Variants in ANTXR1 observed in about 807,000 individuals in gnomAD.
ANTXR1 encodes anthrax toxin receptor 1.
A neutral mutation model predicts 78.1 loss-of-function variants in ANTXR1; 19 were observed. The observed-to-expected ratio is 0.24, with a 90% CI of 0.17 to 0.36. The LOEUF (loss-of-function observed/expected upper bound fraction) is 0.36. Ranked by LOEUF, ANTXR1 falls within the 10% of genes least tolerant of loss-of-function variation. The pLI, the probability that ANTXR1 is intolerant of heterozygous loss-of-function variation, is 1.00. For missense variants in ANTXR1, 518 were observed against 718.6 expected (o/e 0.72, Z 3.19); for synonymous variants, 273 against 260.5 (o/e 1.05, Z -0.46).
intron 17 of ANTXR1, among the ~76,000 whole-genome samples, chr2:69,235,717 T>C (rs75226239): frequency 2.8e-5 from 4 of 143,574 alleles, no homozygotes; most frequent in African/African-American, 1.2e-4. Flanking sequence ...CCACATAAAC[T>C]TATTTAACTT....
At chr2:69,059,342 C>T (rs542991110) in intron 3 of ANTXR1, among the ~76,000 whole-genome samples, 95 of 152,346 alleles carry the variant, frequency 6.2e-4, no homozygotes, top group African/African-American at 2.2e-3. Flanking sequence ...ACCCCACCTT[C>T]AGCAACCATC....
At chr2:69,171,570 T>C (rs940824454) in intron 14 of ANTXR1, among the ~76,000 whole-genome samples, 1 of 152,234 alleles carries the variant, frequency 6.6e-6, no homozygotes, top group Non-Finnish European at 1.5e-5. Context: ...CCCTCCCTTG[T>C]TGTGTTCAGT....
chr2:69,029,049 C>A (rs951132716), intron 1 of ANTXR1, among the ~76,000 whole-genome samples: 27 of 147,896 alleles, frequency 1.8e-4, no homozygotes, highest in Non-Finnish European at 2.5e-4. Flanking sequence ...AGACCCCCCC[C>A]CCTCCATCTC....
At chr2:69,124,525 A>G in intron 11 of ANTXR1, 40 bp from the exon 12 acceptor site, 2 of 1,587,582 alleles carry the variant, frequency 1.3e-6, no homozygotes, top group Non-Finnish European at 1.7e-6. Context: ...TGCTCATTGC[A>G]CGCCCTGCTG....
chr2:69,103,079 G>A, intron 10 of ANTXR1, 139 bp downstream of exon 10: 1 of 899,712 alleles, frequency 1.1e-6, no homozygotes, highest in Non-Finnish European at 1.8e-6. Context: ...CCCAGCAAGG[G>A]CATAGTGAGC....
intron 8 of ANTXR1, 85 bp from the exon 9 acceptor site, chr2:69,090,774 A>G: frequency 7.2e-7 from 1 of 1,381,638 alleles, no homozygotes; most frequent in Non-Finnish European, 1.0e-6. Flanking sequence ...TCCTATCTCT[A>G]TCTCAGTAGC....
chr2:69,144,503 G>C (rs1044475883), intron 12 of ANTXR1, among the ~76,000 whole-genome samples: 8 of 152,200 alleles, frequency 5.3e-5, no homozygotes, highest in Non-Finnish European at 8.8e-5. Flanking sequence ...GGGGGAGAGA[G>C]AGTGGATGGC....
intron 5 of ANTXR1, among the ~76,000 whole-genome samples, chr2:69,072,619 G>A (rs977601328): frequency 3.3e-5 from 5 of 152,340 alleles, no homozygotes; most frequent in Non-Finnish European, 5.9e-5. Context: ...AAGGGGTGGT[G>A]TATGTGGTCC....
chr2:69,128,929 A>C (rs567411657), intron 12 of ANTXR1, among the ~76,000 whole-genome samples: 1 of 151,660 alleles, frequency 6.6e-6, no homozygotes, highest in Non-Finnish European at 1.5e-5. Flanking sequence ...CCATTTGGAC[A>C]CCTGTGTCAC....
chr2:69,054,127 T>C (rs1255865491), intron 3 of ANTXR1, among the ~76,000 whole-genome samples: 1 of 152,000 alleles, frequency 6.6e-6, no homozygotes, highest in Non-Finnish European at 1.5e-5. Context: ...AGTATCCCCC[T>C]AATTTGGTAG....
intron 17 of ANTXR1, among the ~76,000 whole-genome samples, chr2:69,224,159 T>C (rs1178916245): frequency 3.3e-5 from 5 of 152,174 alleles, no homozygotes; most frequent in African/African-American, 1.2e-4. Flanking sequence ...AAAACACAAA[T>C]AGGATCTCCT....
chr2:69,171,522 C>T (rs1467973344), intron 14 of ANTXR1, among the ~76,000 whole-genome samples: 1 of 152,182 alleles, frequency 6.6e-6, no homozygotes, highest in Non-Finnish European at 1.5e-5. Flanking sequence ...AAGGAGCTCC[C>T]TTATTAGGAC....
chr2:69,064,833 A>G (rs951986468), intron 3 of ANTXR1, among the ~76,000 whole-genome samples: 2 of 152,242 alleles, frequency 1.3e-5, no homozygotes, highest in African/African-American at 4.8e-5. Context: ...TGTATCCAAC[A>G]AAGAACGAAA....
intron 16 of ANTXR1, among the ~76,000 whole-genome samples, chr2:69,190,874 C>G (rs1486959604): frequency 6.6e-6 from 1 of 152,166 alleles, no homozygotes; most frequent in Admixed American, 6.5e-5. Flanking sequence ...CTTCAACAGC[C>G]CAGTGTTCTT....
At chr2:69,134,702 G>T (rs151191347) in intron 12 of ANTXR1, among the ~76,000 whole-genome samples, 219 of 152,276 alleles carry the variant, frequency 1.4e-3, no homozygotes, top group African/African-American at 4.9e-3. Context: ...ATCTAAGAGA[G>T]CTCTGTTGGT....
chr2:69,083,272 T>A (rs1670950263), intron 8 of ANTXR1, among the ~76,000 whole-genome samples: 1 of 152,218 alleles, frequency 6.6e-6, no homozygotes, highest in Non-Finnish European at 1.5e-5. Context: ...GTGTCTGCCT[T>A]ATTGAACTAA....
intron 12 of ANTXR1, among the ~76,000 whole-genome samples, chr2:69,134,236 T>C (rs1295195460): frequency 6.6e-6 from 1 of 152,114 alleles, no homozygotes; most frequent in African/African-American, 2.4e-5. Flanking sequence ...CCAAATACGG[T>C]ATGTTATGTA....
chr2:69,217,133 A>G (rs1034670809), intron 17 of ANTXR1, among the ~76,000 whole-genome samples: 1 of 152,222 alleles, frequency 6.6e-6, no homozygotes, highest in Non-Finnish European at 1.5e-5. Flanking sequence ...CCCAGGGATG[A>G]CCACTGTTTC....
intron 17 of ANTXR1, among the ~76,000 whole-genome samples, chr2:69,239,113 G>A (rs893679060): frequency 2.0e-5 from 3 of 152,128 alleles, no homozygotes; most frequent in African/African-American, 7.2e-5. Context: ...CTCCAATTTT[G>A]AAGTTTCAAT....
Sources: gnomAD v4.1 joint callset for allele counts (sites outside exome capture counted in the v4.1 genomes callset) on GRCh38, gnomAD v4.1.1 for gene constraint, MANE v1.5 for transcripts, NCBI Gene and HGNC (gene_info 2026-07-23, HGNC 2026-07-21) for gene names.